CLVS1: variants seen among roughly 807,000 people sequenced by gnomAD.
CLVS1 encodes clavesin 1, also known as clavesin-1.
Under a neutral mutation model 33.1 loss-of-function variants are expected in CLVS1, and 10 were observed. That is an observed-to-expected ratio of 0.30 (90% confidence interval 0.19 to 0.51). The LOEUF is 0.51. Ranked by LOEUF, CLVS1 falls within the 20% of genes least tolerant of loss-of-function variation. The pLI is 0.97. For synonymous variants in CLVS1, 163 were observed against 166.1 expected (o/e 0.98, Z 0.14); for missense variants, 343 against 433.4 (o/e 0.79, Z 1.85).
At chr8:61,337,396 G>A (rs1026206870) in intron 2 of CLVS1, among the ~76,000 whole-genome samples, 2 of 152,036 alleles carry the variant, frequency 1.3e-5, no homozygotes, top group African/African-American at 4.8e-5. Flanking sequence ...GATGAACTTG[G>A]AGCCTAGTTC....
intron 1 of CLVS1, among the ~76,000 whole-genome samples, chr8:61,081,373 TAA>T (rs1192275343): frequency 5.9e-5 from 9 of 152,144 alleles, no homozygotes; most frequent in Admixed American, 5.9e-4. Context: ...GATGGCAACA[TAA>T]GTGTGTCCAA....
intron 5 of CLVS1, among the ~76,000 whole-genome samples, chr8:61,480,925 C>T (rs546778231): frequency 6.6e-6 from 1 of 152,138 alleles, no homozygotes; most frequent in Non-Finnish European, 1.5e-5. Context: ...CCGCACTTCT[C>T]AGCTGCTCTG....
chr8:61,194,886 G>T (rs1269732391), intron 2 of CLVS1, among the ~76,000 whole-genome samples: 4 of 151,692 alleles, frequency 2.6e-5, no homozygotes, highest in Non-Finnish European at 4.4e-5. Flanking sequence ...TATTAAGTAT[G>T]TTCTTTGACC....
chr8:61,410,071 T>TTA (rs2129603993), intron 3 of CLVS1, among the ~76,000 whole-genome samples: 1 of 150,288 alleles, frequency 6.7e-6, no homozygotes, highest in Admixed American at 6.6e-5. Context: ...CAGAGGTTTT[T>TTA]TTTTTTTTTT....
At chr8:61,265,402 A>G (rs1214741752) in intron 2 of CLVS1, among the ~76,000 whole-genome samples, 1 of 152,224 alleles carries the variant, frequency 6.6e-6, no homozygotes, top group Non-Finnish European at 1.5e-5. Flanking sequence ...CTTAACTATA[A>G]ATGGGCATAA....
At chr8:61,446,439 T>C (rs1427542093) in intron 3 of CLVS1, among the ~76,000 whole-genome samples, 1 of 152,198 alleles carries the variant, frequency 6.6e-6, no homozygotes, top group African/African-American at 2.4e-5. Context: ...CTTACCATTA[T>C]GGAGGCTGAG....
At chr8:61,126,387 A>G (rs1015055271) in intron 1 of CLVS1, among the ~76,000 whole-genome samples, 3 of 152,220 alleles carry the variant, frequency 2.0e-5, no homozygotes, top group Non-Finnish European at 2.9e-5. Flanking sequence ...GTGGTTAACC[A>G]TCAGGGTCTG....
the CLVS1 span, among the ~76,000 whole-genome samples, chr8:61,033,045 G>A: frequency 4.4e-5 from 4 of 90,342 alleles, no homozygotes; most frequent in Non-Finnish European, 9.7e-5. Context: ...AAGAAAGAAA[G>A]AAAAAGAAAG....
At chr8:61,297,269 T>C (rs189301492) in intron 1 of CLVS1, among the ~76,000 whole-genome samples, 6 of 152,116 alleles carry the variant, frequency 3.9e-5, no homozygotes, top group African/African-American at 1.4e-4. Flanking sequence ...AACTGTAATA[T>C]AGAGAATAGG....
rs371199898 is a variant in CLVS1, at chr8:61,194,964, A to T, written c.-152+63104A>T. ...TTTTGAAATTTTAAAATACACTTCA[A>T]CTGACAATCAAAAGAGAATCAGAAT... On this transcript the variant is annotated intron_variant, in intron 2 of 2. Coordinates refer to the CLVS1 transcript ENST00000522621. 6.8e-4 allele frequency among the ~76,000 whole-genome samples: 104 copies of T among 152,018 alleles called. No individual in the cohort carries two copies. The South Asian group carries it at 0.021, about 31-fold the overall frequency.
chr8:61,334,240 C>A lies in CLVS1; in HGVS notation c.455+33958C>A, dbSNP rs908445257. 5.3e-5 allele frequency among the ~76,000 whole-genome samples: 8 copies of A among 152,152 alleles called. No homozygotes were observed. The South Asian group carries it at 1.5e-3, about 28-fold the overall frequency. On this transcript the variant is annotated intron_variant, in intron 2 of 5. Transcript: ENST00000325897. ...TGCCAGCCAGCGGCTGAGTAGGGGC[C>A]TAAGTTCAGGGGCCAGGAGGAAGGA...
intron 3 of CLVS1, among the ~76,000 whole-genome samples, chr8:61,378,646 G>T (rs956624745): frequency 6.6e-6 from 1 of 152,194 alleles, no homozygotes; most frequent in Admixed American, 6.5e-5. Flanking sequence ...AAGGATAGGG[G>T]CTCCACCATC....
the CLVS1 span, among the ~76,000 whole-genome samples, chr8:61,039,706 A>G: frequency 6.7e-6 from 1 of 150,194 alleles, no homozygotes; most frequent in Admixed American, 6.6e-5. Context: ...ACGCCTGTCT[A>G]ATTTTTTATT....
chr8:61,211,112 G>A (rs192281064), intron 2 of CLVS1, among the ~76,000 whole-genome samples: 16 of 152,266 alleles, frequency 1.1e-4, no homozygotes, highest in Admixed American at 2.6e-4. Context: ...AGACCAGAAC[G>A]TGGCCAATGT....
the CLVS1 span, among the ~76,000 whole-genome samples, chr8:61,039,609 C>T: frequency 1.3e-5 from 2 of 152,010 alleles, no homozygotes; most frequent in African/African-American, 4.8e-5. Context: ...GCGGCGTGAT[C>T]ACAGCTCACT....
At chr8:61,310,871 C>T (rs79550098) in intron 2 of CLVS1, among the ~76,000 whole-genome samples, 1 of 152,208 alleles carries the variant, frequency 6.6e-6, no homozygotes, top group African/African-American at 2.4e-5. Flanking sequence ...CATATAGAGA[C>T]TTTCTGTTGG....
intron 2 of CLVS1, among the ~76,000 whole-genome samples, chr8:61,347,682 A>G (rs913379757): frequency 9.9e-6 from 1 of 100,836 alleles, no homozygotes; most frequent in African/African-American, 3.7e-5. Context: ...ATATATATAT[A>G]TCCTGAAGTA....
At chr8:61,391,466 A>G (rs113933930) in intron 3 of CLVS1, among the ~76,000 whole-genome samples, 2,883 of 152,348 alleles carry the variant, frequency 0.019, 76 homozygotes, top group African/African-American at 0.065. Context: ...GCAGGGCTCA[A>G]AAGCTGGACT....
At chr8:61,033,037 GAAAGAAAGAAAAAGAAAGAAAGAT>G in the CLVS1 span, among the ~76,000 whole-genome samples, 3 of 105,610 alleles carry the variant, frequency 2.8e-5, no homozygotes, top group Non-Finnish European at 6.1e-5. Context: ...AAGAAAGAAA[GAAAGAAAGAAAAAGAAAGAAAGAT>G]AGAAAGAAAG....
Sources: allele counts gnomAD v4.1 joint callset (sites outside exome capture counted in the v4.1 genomes callset), GRCh38; gene constraint gnomAD v4.1.1; transcripts MANE v1.5; gene names NCBI Gene and HGNC (gene_info 2026-07-23, HGNC 2026-07-21).